Variants in MEIKIN observed in about 807,000 individuals in gnomAD.
MEIKIN encodes meiosis-specific kinetochore protein.
At chr5:131,848,893 T>C (rs1421451026) in intron 11 of MEIKIN, among the ~76,000 whole-genome samples, 1 of 152,166 alleles carries the variant, frequency 6.6e-6, no homozygotes, top group Admixed American at 6.5e-5. Context: ...TGTTTCTGCT[T>C]AATTTGGCGA....
chr5:131,831,101 T>C (rs1377037810), intron 11 of MEIKIN, among the ~76,000 whole-genome samples: 1 of 152,240 alleles, frequency 6.6e-6, no homozygotes, highest in African/African-American at 2.4e-5. Flanking sequence ...TTTCGCCATA[T>C]TGGCCAGGCT....
chr5:131,860,780 G>C (rs1173658035), intron 9 of MEIKIN, among the ~76,000 whole-genome samples: 1 of 5,704 alleles, frequency 1.8e-4, no homozygotes, highest in Non-Finnish European at 5.5e-4. Flanking sequence ...TTTTTTTTTT[G>C]AGAGAGAGTC....
At chr5:131,942,570 C>A (rs1159260029) in intron 4 of MEIKIN, 65 bp downstream of exon 4, 2 of 396,998 alleles carry the variant, frequency 5.0e-6, no homozygotes. Context: ...GGGAGAGATA[C>A]AGATGGATGC....
chr5:131,902,708 C>A (rs571105975), intron 8 of MEIKIN, among the ~76,000 whole-genome samples: 2 of 152,248 alleles, frequency 1.3e-5, no homozygotes, highest in East Asian at 1.9e-4. Flanking sequence ...TGGGAAAGAA[C>A]CAGTGCAAAA....
chr5:131,823,639 G>T (rs950946923), intron 11 of MEIKIN, among the ~76,000 whole-genome samples: 4 of 151,978 alleles, frequency 2.6e-5, no homozygotes, highest in African/African-American at 9.7e-5. Context: ...CAACTATTTT[G>T]AATTCTCTGT....
chr5:131,933,611 GAACTGGC>G lies in MEIKIN; in HGVS notation c.373_379del (p.Ala125LeufsTer3). 2.5e-6 allele frequency: 1 copy of G among 398,686 alleles called. No individual in the cohort carries two copies. The highest frequency in any genetic ancestry group is 4.4e-6 in the Non-Finnish European group (1 of 225,922). 24.7% of individuals were successfully genotyped at this position (398,686 alleles called of 1,614,324 possible). On this transcript the variant is annotated frameshift_variant, in exon 5 of 13. Transcript: ENST00000442687. LOFTEE classifies it high-confidence loss of function. The stretch of plus-strand genomic sequence containing the variant: ...GTCTGTGACTGAATAGCTCAGAAGA[GAACTGGC>G]CATACCATGGTGCAAACTTAATCCT...
chr5:131,935,964 C>G (rs2149653735), intron 4 of MEIKIN, among the ~76,000 whole-genome samples: 1 of 152,242 alleles, frequency 6.6e-6, no homozygotes, highest in African/African-American at 2.4e-5. Context: ...TGTCCCTGTC[C>G]TTGCTAACTT....
chr5:131,926,482 T>C lies in MEIKIN; in HGVS notation c.479-4541A>G, dbSNP rs73264057. Among the ~76,000 whole-genome samples, 561 of 152,336 alleles carry C rather than the reference T, an allele frequency of 3.7e-3. 3 individuals are homozygous for C. Among genetic ancestry groups the C allele is most frequent in the African/African-American group, 0.012 (509 of 41,580 alleles). On this transcript the variant is annotated intron_variant, in intron 5 of 12. Coordinates refer to ENST00000442687, the MANE Select transcript of MEIKIN (RefSeq NM_001303622.2). ...TTTACATCTATGTTCATCAGGGATA[T>C]TGTCTTACAGTTGTCTTTGCTTGTA...
At chr5:131,886,245 T>G (rs1287110193) in intron 8 of MEIKIN, among the ~76,000 whole-genome samples, 1 of 152,110 alleles carries the variant, frequency 6.6e-6, no homozygotes, top group Non-Finnish European at 1.5e-5. Flanking sequence ...GGCAGAAAGT[T>G]TATTCAAAGG....
At chr5:131,853,597 G>A (rs1360812007) in intron 10 of MEIKIN, among the ~76,000 whole-genome samples, 1 of 152,152 alleles carries the variant, frequency 6.6e-6, no homozygotes, top group Non-Finnish European at 1.5e-5. Context: ...CAAATTATTT[G>A]TAAATCATAT....
At chr5:131,923,459 G>A (rs1306759558) in intron 5 of MEIKIN, among the ~76,000 whole-genome samples, 1 of 150,172 alleles carries the variant, frequency 6.7e-6, no homozygotes, top group East Asian at 1.9e-4. Flanking sequence ...TTCATATACT[G>A]TTCTTCTATC....
chr5:131,821,683 T>C (rs778892719), intron 11 of MEIKIN, among the ~76,000 whole-genome samples: 21 of 150,532 alleles, frequency 1.4e-4, no homozygotes, highest in Non-Finnish European at 2.5e-4. Context: ...TCTTTTGCTT[T>C]TGCCCAGGGT....
intron 8 of MEIKIN, among the ~76,000 whole-genome samples, chr5:131,882,163 T>C (rs1465528219): frequency 6.6e-6 from 1 of 152,178 alleles, no homozygotes; most frequent in Non-Finnish European, 1.5e-5. Flanking sequence ...ACTGCTACCA[T>C]CATGGTTTAA....
chr5:131,885,332 C>A (rs1183416301), intron 8 of MEIKIN, among the ~76,000 whole-genome samples: 2 of 131,342 alleles, frequency 1.5e-5, no homozygotes, highest in Non-Finnish European at 3.2e-5. Context: ...GCAGGCCACT[C>A]AGAACTGAAA....
At chr5:131,834,966 TG>T (rs1749776561) in intron 11 of MEIKIN, among the ~76,000 whole-genome samples, 1 of 152,174 alleles carries the variant, frequency 6.6e-6, no homozygotes, top group South Asian at 2.1e-4. Flanking sequence ...CTTTTTAATC[TG>T]TTGCTTTTAA....
chr5:131,944,575 G>A, intron 3 of MEIKIN, 90 bp downstream of exon 3: 4 of 397,922 alleles, frequency 1.0e-5, no homozygotes, highest in Non-Finnish European at 1.8e-5. Context: ...ACAGAACAAA[G>A]CCCATTTTAT....
intron 9 of MEIKIN, among the ~76,000 whole-genome samples, chr5:131,867,550 C>T (rs924006929): frequency 6.6e-6 from 1 of 152,184 alleles, no homozygotes; most frequent in Non-Finnish European, 1.5e-5. Context: ...TCCTCCTAAC[C>T]TCTGGCAACC....
chr5:131,826,020 AAC>A (rs1231425384), intron 11 of MEIKIN, among the ~76,000 whole-genome samples: 2 of 152,270 alleles, frequency 1.3e-5, no homozygotes, highest in Non-Finnish European at 2.9e-5. Context: ...TTTAAAAACT[AAC>A]ACAATCTACC....
chr5:131,863,556 C>CTT (rs1750325066), intron 9 of MEIKIN, among the ~76,000 whole-genome samples: 2 of 42,000 alleles, frequency 4.8e-5, no homozygotes, highest in African/African-American at 2.5e-4. Flanking sequence ...CCTTCTTTGT[C>CTT]CTTTTTTTTT....
Sources: allele counts gnomAD v4.1 joint callset (sites outside exome capture counted in the v4.1 genomes callset), GRCh38; gene constraint gnomAD v4.1.1; transcripts MANE v1.5; gene names NCBI Gene and HGNC (gene_info 2026-07-23, HGNC 2026-07-21).